Variants in STRN observed in about 807,000 individuals in gnomAD.
STRN encodes protein phosphatase 2 regulatory subunit B'''alpha.
A neutral mutation model predicts 96.3 loss-of-function variants in STRN; 53 were observed. The ratio of observed to expected loss-of-function variants is 0.55; its 90% CI spans 0.44 to 0.69. The LOEUF (loss-of-function observed/expected upper bound fraction) is 0.69. Ranked by LOEUF, STRN falls within the 30% of genes least tolerant of loss-of-function variation. STRN has a pLI of 0.00. For missense variants in STRN, 987 were observed against 963.9 expected, an observed-to-expected ratio of 1.02 and a Z score of -0.32; for synonymous variants, 428 against 355.9, an observed-to-expected ratio of 1.20 and a Z score of -2.28.
chr2:36,939,127 A>G (rs1333109607), intron 1 of STRN, among the ~76,000 whole-genome samples: 1 of 152,088 alleles, frequency 6.6e-6, no homozygotes, highest in East Asian at 1.9e-4. Flanking sequence ...CTGGAATTAC[A>G]GGCACGTGGA....
rs958059375 is a variant in STRN at position 36,905,435 on chromosome 2, T to C, written c.491+105A>G. 8.1e-6 allele frequency: 8 copies of C among 992,434 alleles called. No individual in the cohort carries two copies. In the South Asian group the frequency reaches 8.3e-5, roughly 10 times the overall value. 61.5% of individuals were successfully genotyped at this position (992,434 alleles called of 1,614,324 possible). On this transcript the variant is annotated intron_variant, in intron 4 of 17. Transcript: ENST00000263918. ...CAATTAAGCTTTTTCACAGCATCTG[T>C]ATGAGATAAAATATTCATCTGACTT...
In STRN at chr2:36,867,240, G is replaced by A. The variant is rs111946846; in HGVS notation, c.1547+574C>T. ...TGTAATCCTACCACTTTGGGAGGCT[G>A]AGGTGGGTGGATCACTTGAGGTCAA... On this transcript the variant is annotated intron_variant, in intron 12 of 17. Coordinates refer to ENST00000263918, the MANE Select transcript of STRN (RefSeq NM_003162.4). Among the ~76,000 whole-genome samples the A allele has an allele frequency of 2.2e-3, 341 of 152,206 alleles. 1 individual carries two copies. The highest frequency in any genetic ancestry group is 7.5e-3 in the African/African-American group (313 of 41,536).
At chr2:36,958,656 C>T (rs530691788) in intron 1 of STRN, among the ~76,000 whole-genome samples, 3 of 152,144 alleles carry the variant, frequency 2.0e-5, no homozygotes, top group African/African-American at 7.2e-5. Flanking sequence ...ATGGAAAATA[C>T]AGAGCAGATA....
At chr2:36,942,843 G>A (rs769961802) in intron 1 of STRN, among the ~76,000 whole-genome samples, 10 of 151,922 alleles carry the variant, frequency 6.6e-5, no homozygotes, top group African/African-American at 1.2e-4. Context: ...TTACAGGCAC[G>A]CAACACCACA....
At chr2:36,963,526 G>A (rs769060651) in intron 1 of STRN, among the ~76,000 whole-genome samples, 25 of 152,022 alleles carry the variant, frequency 1.6e-4, no homozygotes, top group South Asian at 4.1e-4. Context: ...ACTAATAAGG[G>A]GGGACAAAGA....
At chr2:36,854,314 A>G (rs1463486383) in intron 15 of STRN, among the ~76,000 whole-genome samples, 6 of 152,176 alleles carry the variant, frequency 3.9e-5, no homozygotes, top group Admixed American at 3.9e-4. Context: ...TTCCAATTCT[A>G]TCACCTGAGT....
chr2:36,902,003 G>C (rs1048752035), intron 5 of STRN, among the ~76,000 whole-genome samples: 4 of 152,042 alleles, frequency 2.6e-5, no homozygotes, highest in African/African-American at 9.7e-5. Flanking sequence ...CAATAAATAA[G>C]AATCTCTTTA....
At chr2:36,928,225 C>A (rs1291164377) in intron 1 of STRN, among the ~76,000 whole-genome samples, 2 of 151,860 alleles carry the variant, frequency 1.3e-5, no homozygotes, top group East Asian at 3.8e-4. Flanking sequence ...AGATTAAATT[C>A]CAGCTAAAAA....
rs1667939370 is a variant in STRN at position 36,841,087 on chromosome 2, T to G, written c.*8369A>C. ...CAGAAAGCAATGATGTTTCTAAAGA[T>G]TCTCTTATTTTTTAATTGTGATTAG... is the stretch of plus-strand genomic sequence containing the variant. On this transcript the variant is annotated 3_prime_UTR_variant, in exon 18 of 18. Coordinates refer to ENST00000263918, the MANE Select transcript of STRN (RefSeq NM_003162.4). 1 of 152,140 alleles carries G rather than the reference T, an allele frequency of 6.6e-6. No homozygotes were observed. Among genetic ancestry groups the G allele is most frequent in the African/African-American group, 2.4e-5 (1 of 41,440 alleles). 9.4% of individuals were successfully genotyped at this position (152,140 alleles called of 1,614,324 possible).
chr2:36,922,898 C>T (rs1355384407), intron 2 of STRN, among the ~76,000 whole-genome samples: 1 of 152,182 alleles, frequency 6.6e-6, no homozygotes, highest in Non-Finnish European at 1.5e-5. Flanking sequence ...CCACCCAGCA[C>T]TTTGGGAGGC....
intron 10 of STRN, among the ~76,000 whole-genome samples, chr2:36,872,095 G>C (rs750780488): frequency 5.3e-5 from 8 of 152,208 alleles, no homozygotes; most frequent in Non-Finnish European, 1.2e-4. Flanking sequence ...CAGCCACTAA[G>C]ATGGCCCCAA....
chr2:36,879,740 T>C (rs1278198915), intron 9 of STRN, among the ~76,000 whole-genome samples: 1 of 152,222 alleles, frequency 6.6e-6, no homozygotes, highest in Admixed American at 6.5e-5. Context: ...ATTAATTTTC[T>C]TAAAAGAAAC....
rs1457793218 is a variant in STRN at position 36,884,008 on chromosome 2, C to T, written c.1110G>A (p.Leu370=). The change falls in exon 9 of 18, where the codon TTG becomes TTA. Residue 370 remains leucine (L), a synonymous_variant. Transcript: ENST00000263918. ...NLRDVDELPS[L]QPSVGSPSRP... is the part of the protein sequence containing the mutation. ...TGGAAGGTGAACCCACAGATGGCTG[C>T]AATGAAGGAAGTTCATCAACATCTC... The T allele has an allele frequency of 7.0e-7, 1 of 1,425,404 alleles. No homozygotes were observed. Among genetic ancestry groups the T allele is most frequent in the Non-Finnish European group, 9.2e-7 (1 of 1,081,964 alleles). The allele number at this position is 1,425,404 out of a possible 1,614,324, so 88.3% of individuals were successfully genotyped here.
chr2:36,879,507 C>A (rs1043199085), intron 9 of STRN, among the ~76,000 whole-genome samples: 1 of 152,218 alleles, frequency 6.6e-6, no homozygotes, highest in African/African-American at 2.4e-5. Flanking sequence ...ATTCCTTCAA[C>A]AACCATCATA....
intron 10 of STRN, among the ~76,000 whole-genome samples, chr2:36,875,599 C>T (rs991128573): frequency 7.1e-6 from 1 of 140,132 alleles, no homozygotes; most frequent in African/African-American, 2.7e-5. Context: ...ATCAACTTAA[C>T]AGTGTTTTAA....
At chr2:36,923,710 G>T (rs1292292508) in intron 2 of STRN, among the ~76,000 whole-genome samples, 1 of 151,840 alleles carries the variant, frequency 6.6e-6, no homozygotes, top group African/African-American at 2.4e-5. Context: ...GCATCTAAAT[G>T]CTATTTTATT....
chr2:36,913,442 A>G (rs1278154284), intron 3 of STRN, among the ~76,000 whole-genome samples: 1 of 152,166 alleles, frequency 6.6e-6, no homozygotes, highest in South Asian at 2.1e-4. Flanking sequence ...ACAAATAGTC[A>G]GTTTACTTGC....
intron 10 of STRN, among the ~76,000 whole-genome samples, chr2:36,872,952 C>G (rs1668802655): frequency 6.6e-6 from 1 of 152,306 alleles, no homozygotes; most frequent in Middle Eastern, 3.4e-3. Context: ...GCTGTTTTCC[C>G]CCAGATGCTG....
At chr2:36,933,968 C>G (rs1670638673) in intron 1 of STRN, among the ~76,000 whole-genome samples, 1 of 152,026 alleles carries the variant, frequency 6.6e-6, no homozygotes, top group African/African-American at 2.4e-5. Context: ...AAAAATTACC[C>G]GGGTGTGGTG....
Sources: gnomAD v4.1 joint callset for allele counts (sites outside exome capture counted in the v4.1 genomes callset) on GRCh38, gnomAD v4.1.1 for gene constraint, MANE v1.5 for transcripts, NCBI Gene and HGNC (gene_info 2026-07-23, HGNC 2026-07-21) for gene names.